The following ECE1 variants were observed in gnomAD, a reference collection of about 807,000 sequenced individuals.
The protein encoded by ECE1 is endothelin-converting enzyme 1.
In ECE1, 35 loss-of-function variants were observed where a neutral mutation model predicts 98.6. The ratio of observed to expected loss-of-function variants is 0.35; its 90% confidence interval spans 0.27 to 0.47. The LOEUF is 0.47. Ranked by LOEUF, ECE1 falls within the 20% of genes least tolerant of loss-of-function variation. The pLI is 1.00. For missense variants in ECE1, 814 were observed against 1,025.3 expected (o/e 0.79, Z 2.81); for synonymous variants, 394 against 407.1 (o/e 0.97, Z 0.39).
chr1:21,321,946 G>A (rs1638974449), intron 1 of ECE1, among the ~76,000 whole-genome samples: 1 of 152,114 alleles, frequency 6.6e-6, no homozygotes, highest in African/African-American at 2.4e-5. Flanking sequence ...AGAAACTGAG[G>A]CTGAGAGAGG....
At chr1:21,238,720 T>A (rs2098191622) in intron 10 of ECE1, among the ~76,000 whole-genome samples, 1 of 152,178 alleles carries the variant, frequency 6.6e-6, no homozygotes. Flanking sequence ...TGGTCTACCC[T>A]GAGTCACAGA....
intron 2 of ECE1, among the ~76,000 whole-genome samples, chr1:21,282,127 A>AAAATT (rs2098255269): frequency 6.6e-6 from 1 of 152,024 alleles, no homozygotes; most frequent in African/African-American, 2.4e-5. Context: ...TCTCTTAAAA[A>AAAATT]AAATTAAATT....
chr1:21,332,332 G>T (rs1313754871), intron 1 of ECE1, among the ~76,000 whole-genome samples: 1 of 151,912 alleles, frequency 6.6e-6, no homozygotes, highest in African/African-American at 2.4e-5. Context: ...TCAGAACCCT[G>T]CCTAGTAATA....
intron 1 of ECE1, among the ~76,000 whole-genome samples, chr1:21,302,665 G>T (rs562041565): frequency 6.6e-6 from 1 of 152,132 alleles, no homozygotes; most frequent in Non-Finnish European, 1.5e-5. Flanking sequence ...TGCACAGAAC[G>T]CCAGAGTGGG....
chr1:21,342,978 T>C (rs1639431052), intron 1 of ECE1, among the ~76,000 whole-genome samples: 1 of 152,166 alleles, frequency 6.6e-6, no homozygotes, highest in African/African-American at 2.4e-5. Context: ...TTCCTGACCC[T>C]TTCATAGCCA....
intron 1 of ECE1, among the ~76,000 whole-genome samples, chr1:21,316,476 G>T (rs1638835631): frequency 6.6e-6 from 1 of 152,000 alleles, no homozygotes; most frequent in Non-Finnish European, 1.5e-5. Flanking sequence ...GTTTCACCAT[G>T]TTGGCCAGGC....
At position 21,236,441 on chromosome 1, in the gene ECE1, G is replaced by A. The variant is rs530965580; in HGVS notation, c.1488+305C>T. On this transcript the variant is annotated intron_variant, in intron 12 of 18. Coordinates refer to ENST00000374893, the MANE Select transcript of ECE1 (RefSeq NM_001397.3). ...AAGGCGGGTCGATCACCTGAGGTCG[G>A]GAGTTTGAGACCAACCTGACCCACA... 7.2e-5 allele frequency among the ~76,000 whole-genome samples: 11 copies of A among 152,362 alleles called. No homozygotes were observed. The South Asian group carries it at 2.1e-3, about 29-fold the overall frequency.
chr1:21,276,684 C>CTTT (rs1163785168), intron 3 of ECE1, among the ~76,000 whole-genome samples: 8 of 124,576 alleles, frequency 6.4e-5, no homozygotes, highest in African/African-American at 1.4e-4. Context: ...GATTTGCTTT[C>CTTT]TTTTTTTTTT....
rs1175851450 is a variant in ECE1 at position 21,225,886 on chromosome 1, G to A, written c.1850-446C>T. Among the ~76,000 whole-genome samples the A allele has an allele frequency of 2.0e-5, 3 of 151,690 alleles. No homozygotes were observed. Among genetic ancestry groups the A allele is most frequent in the African/African-American group, 4.8e-5 (2 of 41,290 alleles). On this transcript the variant is annotated intron_variant, in intron 16 of 18. Coordinates refer to ENST00000374893, the MANE Select transcript of ECE1 (RefSeq NM_001397.3). The surrounding 1 kb of genome is among the most constrained non-coding windows in gnomAD (Gnocchi z 5.3). ...CTGTTTTTTTTTTTAGTAGAGATGG[G>A]GTCTCACCATGTTGGCCAGGCTGGT...
intron 1 of ECE1, among the ~76,000 whole-genome samples, chr1:21,329,417 C>T (rs1175125670): frequency 2.0e-5 from 3 of 152,178 alleles, no homozygotes; most frequent in African/African-American, 7.2e-5. Context: ...GGTATTCTTC[C>T]TGATGGCTTA....
chr1:21,273,998 ACAGGCCCAGCCCCATCGTCCGTTTACC>A (rs571389428), intron 3 of ECE1, among the ~76,000 whole-genome samples: 17 of 152,366 alleles, frequency 1.1e-4, no homozygotes, highest in African/African-American at 4.1e-4. Flanking sequence ...ATCGAGAATC[ACAGGCCCAGCCCCATCGTCCGTTTACC>A]CAGGCTGTGC....
Position 21,233,675 on chromosome 1 carries a change from A to G in ECE1, c.1567-14T>C. 6.2e-7 allele frequency: 1 copy of G among 1,612,142 alleles called. No homozygotes were observed. The highest frequency in any genetic ancestry group is 8.5e-7 in the Non-Finnish European group (1 of 1,178,452). The stretch of plus-strand genomic sequence containing the variant: ...AACTGCAGTGTACTAGAAAAGAAGA[A>G]GTGGAGTCAATCACAGTGTGCCCTC... On this transcript the variant is annotated splice_polypyrimidine_tract_variant and intron_variant, in intron 13 of 18. Transcript: ENST00000374893. This position sits in a 1 kb window ranked among gnomAD's most constrained non-coding sequence, Gnocchi z 4.0.
intron 1 of ECE1, among the ~76,000 whole-genome samples, chr1:21,332,698 G>T (rs1639223657): frequency 1.8e-5 from 1 of 54,838 alleles, no homozygotes; most frequent in Non-Finnish European, 3.5e-5. Flanking sequence ...GAGGAGAGGG[G>T]AGAGGAGGTG....
At chr1:21,325,492 C>T (rs1639058393) in intron 1 of ECE1, among the ~76,000 whole-genome samples, 1 of 152,242 alleles carries the variant, frequency 6.6e-6, no homozygotes, top group South Asian at 2.1e-4. Flanking sequence ...TTGCTGGCCT[C>T]CTCCCTCCTC....
intron 1 of ECE1, among the ~76,000 whole-genome samples, chr1:21,334,410 C>A (rs944126843): frequency 1.3e-5 from 2 of 152,366 alleles, no homozygotes; most frequent in Non-Finnish European, 2.9e-5. Flanking sequence ...CATCTTCCAC[C>A]AGACCAGCCC....
intron 1 of ECE1, among the ~76,000 whole-genome samples, chr1:21,295,952 T>G (rs1183170372): frequency 6.6e-6 from 1 of 152,140 alleles, no homozygotes; most frequent in African/African-American, 2.4e-5. Flanking sequence ...GAACATGAAC[T>G]GCCTGGCATC....
intron 1 of ECE1, among the ~76,000 whole-genome samples, chr1:21,303,253 C>T (rs1007120207): frequency 6.6e-5 from 10 of 152,224 alleles, no homozygotes; most frequent in South Asian, 2.1e-4. Context: ...GTCAAAGCTC[C>T]GCCCAAGTGG....
chr1:21,279,178 C>T lies in ECE1; in HGVS notation c.280+13G>A, dbSNP rs28367937. ...AGTGAGTCAAGCCCACCATGCAACACGAAGGCACCTACTTGTCTGGTACTG... is the reference window on the plus strand; with the variant it reads ...AGTGAGTCAAGCCCACCATGCAACATGAAGGCACCTACTTGTCTGGTACTG... On this transcript the variant is annotated intron_variant, in intron 3 of 18. Coordinates refer to ENST00000374893, the MANE Select transcript of ECE1 (RefSeq NM_001397.3). 30 of 1,614,008 alleles carry T rather than the reference C, an allele frequency of 1.9e-5. No homozygotes were observed. In the Admixed American group the frequency reaches 2.2e-4, roughly 12 times the overall value.
chr1:21,345,465 T>C lies in ECE1; in HGVS notation c.-87A>G, dbSNP rs1171905812. The C allele has an allele frequency of 5.9e-6, 7 of 1,181,244 alleles. No homozygotes were observed. The highest frequency in any genetic ancestry group is 1.6e-5 in the African/African-American group (1 of 63,090). 73.2% of individuals were successfully genotyped at this position (1,181,244 alleles called of 1,614,324 possible). ...CCGGGTTCCCTGCTCCCAGCCCAGC[T>C]GCTCGGACGGCTCGGCTGCCTGGCC... On this transcript the variant is annotated 5_prime_UTR_variant, in exon 1 of 19. Transcript: ENST00000415912. This position sits in a 1 kb window ranked among gnomAD's most constrained non-coding sequence, Gnocchi z 5.1.
Sources: gnomAD v4.1 joint callset for allele counts (sites outside exome capture counted in the v4.1 genomes callset) on GRCh38, gnomAD v4.1.1 for gene constraint, Gnocchi (gnomAD v3.1) non-coding constraint, MANE v1.5 for transcripts, NCBI Gene and HGNC (gene_info 2026-07-23, HGNC 2026-07-21) for gene names.